RAB11FIP3: variants seen among roughly 807,000 people sequenced by gnomAD.
The protein encoded by RAB11FIP3 is rab11 family-interacting protein 3.
In RAB11FIP3, 17 loss-of-function variants were observed where a neutral mutation model predicts 77.8. That is an observed-to-expected ratio of 0.22 (90% confidence interval 0.15 to 0.33). RAB11FIP3 has a LOEUF of 0.33. RAB11FIP3 is among the 10% of genes least tolerant of loss of function. The pLI is 1.00. For synonymous variants in RAB11FIP3, 437 were observed against 448.2 expected (o/e 0.98, Z 0.31); for missense variants, 1,005 against 1,011.2 (o/e 0.99, Z 0.08).
Position 425,772 on chromosome 16 carries a change from C to A in RAB11FIP3, c.-235C>A, listed in dbSNP as rs1481417204. On this transcript the variant is annotated 5_prime_UTR_variant, in exon 1 of 14. Coordinates refer to ENST00000262305, the MANE Select transcript of RAB11FIP3 (RefSeq NM_014700.4). The stretch of plus-strand genomic sequence containing the variant: ...CGCCGCCCGGATCCTCGCCGCCCTC[C>A]CTAGGCCGCCCCGCCGCCATGGGCC... The A allele has an allele frequency of 3.0e-6, 1 of 338,582 alleles. No individual in the cohort carries two copies. Among genetic ancestry groups the A allele is most frequent in the Non-Finnish European group, 5.3e-6 (1 of 187,602 alleles). The allele number at this position is 338,582 out of a possible 1,614,324, so 21.0% of individuals were successfully genotyped here.
chr16:473,850 G>A (rs758404140), intron 3 of RAB11FIP3, among the ~76,000 whole-genome samples: 21 of 152,044 alleles, frequency 1.4e-4, no homozygotes, highest in East Asian at 5.8e-4. Context: ...ATTCAGTGCC[G>A]GCTCATCCCT....
At chr16:460,211 A>G (rs1022400046) in intron 1 of RAB11FIP3, among the ~76,000 whole-genome samples, 7 of 152,300 alleles carry the variant, frequency 4.6e-5, no homozygotes, top group African/African-American at 1.7e-4. Flanking sequence ...ATTTCCTTAT[A>G]TATTCTGGAC....
At chr16:448,837 C>T (rs2055361095) in intron 1 of RAB11FIP3, among the ~76,000 whole-genome samples, 1 of 151,842 alleles carries the variant, frequency 6.6e-6, no homozygotes, top group Non-Finnish European at 1.5e-5. Context: ...ATCACTTGAA[C>T]CTGGGAGGTG....
Position 521,117 on chromosome 16 carries a change from G to A in RAB11FIP3, c.*278G>A, listed in dbSNP as rs865949152. On this transcript the variant is annotated 3_prime_UTR_variant, in exon 14 of 14. Transcript: ENST00000262305. Reference sequence around the variant, plus strand: ...GTCCATCAGCGCTGACCTTCCGGGGGCCCAGAGCTTCCCAGCCCTGAGTCA... The same window carrying A: ...GTCCATCAGCGCTGACCTTCCGGGGACCCAGAGCTTCCCAGCCCTGAGTCA... 49 of 519,952 alleles carry A rather than the reference G, an allele frequency of 9.4e-5. No individual in the cohort carries two copies. The highest frequency in any genetic ancestry group is 3.0e-4 in the South Asian group (13 of 43,552). 32.2% of individuals were successfully genotyped at this position (519,952 alleles called of 1,614,324 possible).
chr16:489,190 T>G (rs1596265273), intron 5 of RAB11FIP3, 190 bp downstream of exon 5: 1 of 678,564 alleles, frequency 1.5e-6, no homozygotes, highest in African/African-American at 1.8e-5. Context: ...GTCCCTCTTC[T>G]CCAGCCACAT....
chr16:520,661 T>C, intron 13 of RAB11FIP3, 62 bp downstream of exon 13: 1 of 1,610,590 alleles, frequency 6.2e-7, no homozygotes, highest in Non-Finnish European at 8.5e-7. Flanking sequence ...GTCTGTGCGC[T>C]GTGGTTTATG....
At chr16:502,944 G>A in intron 6 of RAB11FIP3, 60 bp from the exon 7 acceptor site, 1 of 1,346,210 alleles carries the variant, frequency 7.4e-7, no homozygotes, top group Admixed American at 1.7e-5. Flanking sequence ...TGCTTGTGCT[G>A]ACGGAGCATG....
chr16:487,749 C>T (rs1285930753), intron 4 of RAB11FIP3, among the ~76,000 whole-genome samples: 2 of 152,194 alleles, frequency 1.3e-5, no homozygotes, highest in East Asian at 3.9e-4. Context: ...TTTCACATGG[C>T]CCCCGGCCGC....
chr16:511,358 C>T (rs1167951386), intron 9 of RAB11FIP3, among the ~76,000 whole-genome samples: 1 of 126,374 alleles, frequency 7.9e-6, no homozygotes, highest in Non-Finnish European at 1.7e-5. Flanking sequence ...GACGGCCCGC[C>T]CACCCCAGAA....
intron 1 of RAB11FIP3, among the ~76,000 whole-genome samples, chr16:451,920 C>T (rs1203156477): frequency 6.6e-6 from 1 of 150,838 alleles, no homozygotes; most frequent in Non-Finnish European, 1.5e-5. Flanking sequence ...GAGGCCGAGG[C>T]GGTGGATTGC....
chr16:460,978 C>A (rs898450153), intron 1 of RAB11FIP3, among the ~76,000 whole-genome samples: 9 of 152,208 alleles, frequency 5.9e-5, no homozygotes, highest in Non-Finnish European at 1.2e-4. Flanking sequence ...TTGGCGGCTT[C>A]TTTGCATGTG....
At chr16:467,762 A>G (rs796284649) in intron 2 of RAB11FIP3, among the ~76,000 whole-genome samples, 3 of 19,170 alleles carry the variant, frequency 1.6e-4, no homozygotes, top group Admixed American at 5.0e-4. Flanking sequence ...GAGGAGGTGC[A>G]GGGGCGTCAG....
At chr16:455,329 C>G (rs193297497) in intron 1 of RAB11FIP3, among the ~76,000 whole-genome samples, 3 of 151,698 alleles carry the variant, frequency 2.0e-5, no homozygotes, top group African/African-American at 7.3e-5. Flanking sequence ...CAAAAATCAG[C>G]CGGGCGTGGT....
At chr16:482,917 C>T (rs934334005) in intron 4 of RAB11FIP3, among the ~76,000 whole-genome samples, 181 bp downstream of exon 4, 10 of 152,214 alleles carry the variant, frequency 6.6e-5, no homozygotes, top group South Asian at 4.1e-4. Flanking sequence ...CCGTCCTGCC[C>T]GCCTTGCCCG....
chr16:485,834 C>G (rs1321065563), intron 4 of RAB11FIP3, among the ~76,000 whole-genome samples: 1 of 152,230 alleles, frequency 6.6e-6, no homozygotes, highest in Non-Finnish European at 1.5e-5. Flanking sequence ...TGTTTACTTA[C>G]GCTTTCTTTT....
intron 1 of RAB11FIP3, among the ~76,000 whole-genome samples, chr16:435,617 C>T (rs1466848105): frequency 6.6e-6 from 1 of 152,010 alleles, no homozygotes. Context: ...TAGGAGAGGG[C>T]GTATGGTGGG....
rs564329512 is a variant in RAB11FIP3, at chr16:445,435, G to A, written c.715-15969G>A. 3.3e-5 allele frequency among the ~76,000 whole-genome samples: 5 copies of A among 151,976 alleles called. No homozygotes were observed. The South Asian group carries it at 1.0e-3, about 32-fold the overall frequency. ...GCCTGGGTGACAGAGCAAGACTCTT[G>A]TCTCAAAATAAAAATAAAAATAAAA... On this transcript the variant is annotated intron_variant, in intron 1 of 13. Coordinates refer to ENST00000262305, the MANE Select transcript of RAB11FIP3 (RefSeq NM_014700.4).
chr16:433,491 A>G (rs1270109204), intron 1 of RAB11FIP3, among the ~76,000 whole-genome samples: 2 of 152,076 alleles, frequency 1.3e-5, no homozygotes, highest in Middle Eastern at 3.4e-3. Context: ...TTGACTTCAC[A>G]TAATGACCTC....
chr16:513,253 C>T (rs529659541), intron 9 of RAB11FIP3, among the ~76,000 whole-genome samples: 2 of 152,076 alleles, frequency 1.3e-5, no homozygotes, highest in African/African-American at 4.8e-5. Context: ...TGGGGTCTTG[C>T]TCTGTGCCCC....
Sources: allele counts gnomAD v4.1 joint callset (sites outside exome capture counted in the v4.1 genomes callset), GRCh38; gene constraint gnomAD v4.1.1; transcripts MANE v1.5; gene names NCBI Gene and HGNC (gene_info 2026-07-23, HGNC 2026-07-21).